The following RXFP1 variants were observed in gnomAD, a reference collection of about 807,000 sequenced individuals.
The protein encoded by RXFP1 is relaxin receptor 1.
A neutral mutation model predicts 89.8 loss-of-function variants in RXFP1; 73 were observed. The observed-to-expected ratio is 0.81, with a 90% CI of 0.67 to 0.99. RXFP1 has a LOEUF of 0.99. Among genes scored for constraint, RXFP1 ranks in the 50% least tolerant of loss-of-function variants. RXFP1 has a pLI of 0.00. For synonymous variants in RXFP1, 277 were observed against 305.5 expected, an observed-to-expected ratio of 0.91 and a Z score of 0.97; for missense variants, 793 against 895.5, an observed-to-expected ratio of 0.89 and a Z score of 1.46.
At chr4:158,643,082 A>C (rs181786775) in intron 14 of RXFP1, among the ~76,000 whole-genome samples, 1 of 152,278 alleles carries the variant, frequency 6.6e-6, no homozygotes, top group Admixed American at 6.5e-5. Context: ...GTTTGGCACC[A>C]TGTTGTCTGC....
At chr4:158,548,380 C>T (rs1749112424) in intron 1 of RXFP1, among the ~76,000 whole-genome samples, 1 of 152,278 alleles carries the variant, frequency 6.6e-6, no homozygotes, top group Admixed American at 6.5e-5. Context: ...ATACAGCACA[C>T]TGATGGGTCT....
At chr4:158,587,436 A>G (rs1428472440) in intron 2 of RXFP1, among the ~76,000 whole-genome samples, 3 of 152,238 alleles carry the variant, frequency 2.0e-5, no homozygotes, top group Non-Finnish European at 4.4e-5. Flanking sequence ...TTTAAATTCC[A>G]GTTAATAACA....
At chr4:158,587,559 GC>G (rs1240489953) in intron 2 of RXFP1, among the ~76,000 whole-genome samples, 1 of 152,186 alleles carries the variant, frequency 6.6e-6, no homozygotes, top group East Asian at 1.9e-4. Flanking sequence ...AATAGTAATA[GC>G]TAAATACTTA....
chr4:158,525,658 T>C lies in RXFP1; in HGVS notation c.49+3633T>C, dbSNP rs73860510. Among the ~76,000 whole-genome samples the C allele has an allele frequency of 4.1e-3, 621 of 152,336 alleles. 7 individuals carry two copies. The highest frequency in any genetic ancestry group is 0.014 in the African/African-American group (594 of 41,588). Reference sequence around the variant, plus strand: ...ATTTCAATCCTTATATTTATGGGTGTAGTTGTTTTTCTATTTCCCATTTAT... The same window carrying C: ...ATTTCAATCCTTATATTTATGGGTGCAGTTGTTTTTCTATTTCCCATTTAT... On this transcript the variant is annotated intron_variant, in intron 1 of 17. Transcript: ENST00000307765.
At chr4:158,596,102 T>C (rs1760530141) in intron 3 of RXFP1, among the ~76,000 whole-genome samples, 1 of 150,916 alleles carries the variant, frequency 6.6e-6, no homozygotes, top group South Asian at 2.1e-4. Context: ...AACAAAACCC[T>C]CTCTCAGAGG....
chr4:158,571,956 A>G (rs560679194), intron 1 of RXFP1, among the ~76,000 whole-genome samples: 2 of 152,328 alleles, frequency 1.3e-5, no homozygotes, highest in Admixed American at 1.3e-4. Flanking sequence ...GGTGACAGCC[A>G]GGTAGAAGCC....
At chr4:158,593,148 C>T (rs961085448) in intron 2 of RXFP1, among the ~76,000 whole-genome samples, 16 of 151,566 alleles carry the variant, frequency 1.1e-4, no homozygotes, top group African/African-American at 3.9e-4. Flanking sequence ...TAATTCACTC[C>T]CCCAAAATGT....
intron 1 of RXFP1, among the ~76,000 whole-genome samples, chr4:158,551,061 C>A (rs1408870609): frequency 6.6e-6 from 1 of 150,634 alleles, no homozygotes; most frequent in African/African-American, 2.5e-5. Context: ...GGGTTGTGGA[C>A]CTAAGTGTCC....
At chr4:158,588,024 A>G (rs1758640672) in intron 2 of RXFP1, among the ~76,000 whole-genome samples, 1 of 152,184 alleles carries the variant, frequency 6.6e-6, no homozygotes, top group Admixed American at 6.5e-5. Flanking sequence ...CAAAACTAGG[A>G]AAGGAAGACA....
chr4:158,553,725 A>C (rs1750660922), intron 1 of RXFP1, among the ~76,000 whole-genome samples: 1 of 152,152 alleles, frequency 6.6e-6, no homozygotes, highest in African/African-American at 2.4e-5. Flanking sequence ...TTAGGGGGAA[A>C]GGGATTCTAG....
chr4:158,606,502 A>G (rs1378499583), intron 5 of RXFP1, among the ~76,000 whole-genome samples: 1 of 152,216 alleles, frequency 6.6e-6, no homozygotes, highest in Non-Finnish European at 1.5e-5. Flanking sequence ...AACACTAGAA[A>G]TAAACAAACA....
chr4:158,585,266 T>A (rs1447583701), intron 2 of RXFP1, among the ~76,000 whole-genome samples: 1 of 152,206 alleles, frequency 6.6e-6, no homozygotes, highest in Non-Finnish European at 1.5e-5. Context: ...TAATTCCAAG[T>A]GGGGATAGAG....
At chr4:158,590,213 T>C (rs1232864046) in intron 2 of RXFP1, among the ~76,000 whole-genome samples, 1 of 152,202 alleles carries the variant, frequency 6.6e-6, no homozygotes, top group Non-Finnish European at 1.5e-5. Context: ...TCACCCAGGC[T>C]GGAGTGCAGT....
Position 158,572,846 on chromosome 4 carries a change from C to G in RXFP1, c.187+11C>G. 6.2e-7 allele frequency: 1 copy of G among 1,613,762 alleles called. No individual in the cohort carries two copies. The highest frequency in any genetic ancestry group is 1.7e-5 in the Admixed American group (1 of 59,998). On this transcript the variant is annotated intron_variant, in intron 2 of 17. Coordinates refer to ENST00000307765, the MANE Select transcript of RXFP1 (RefSeq NM_021634.4). ...ATGAGGACAACTGTGGTGAGTGAAGCCCCTGCAGTCACGGTGAGAGAAAGG... is the reference window on the plus strand; with the variant it reads ...ATGAGGACAACTGTGGTGAGTGAAGGCCCTGCAGTCACGGTGAGAGAAAGG...
At chr4:158,533,622 T>C (rs543962791) in intron 1 of RXFP1, among the ~76,000 whole-genome samples, 2 of 152,292 alleles carry the variant, frequency 1.3e-5, no homozygotes, top group South Asian at 2.1e-4. Context: ...ATAGATAGGG[T>C]TAGTCTATCT....
chr4:158,541,303 A>G (rs1159432945), intron 1 of RXFP1, among the ~76,000 whole-genome samples: 1 of 149,274 alleles, frequency 6.7e-6, no homozygotes, highest in African/African-American at 2.5e-5. Flanking sequence ...ATTACTGGCA[A>G]TTAAAATTCT....
chr4:158,526,045 G>A (rs1742423452), intron 1 of RXFP1, among the ~76,000 whole-genome samples: 1 of 152,194 alleles, frequency 6.6e-6, no homozygotes, highest in Admixed American at 6.5e-5. Flanking sequence ...CCAGCCCAAG[G>A]TCTCAGAGCT....
chr4:158,567,259 T>C (rs867032787), intron 1 of RXFP1, among the ~76,000 whole-genome samples: 19 of 152,020 alleles, frequency 1.2e-4, no homozygotes, highest in Non-Finnish European at 1.3e-4. Flanking sequence ...CCCAGTCCCA[T>C]TGACTGCCCT....
intron 6 of RXFP1, among the ~76,000 whole-genome samples, chr4:158,609,232 T>A (rs561354429): frequency 2.4e-4 from 36 of 152,344 alleles, no homozygotes; most frequent in Middle Eastern, 3.4e-3. Context: ...TTTTGATTTT[T>A]TAAGGGACTG....
Sources: gnomAD v4.1 joint callset for allele counts (sites outside exome capture counted in the v4.1 genomes callset) on GRCh38, gnomAD v4.1.1 for gene constraint, MANE v1.5 for transcripts, NCBI Gene and HGNC (gene_info 2026-07-23, HGNC 2026-07-21) for gene names.